The following ZC3H11A variants were observed in gnomAD, a reference collection of about 807,000 sequenced individuals.
ZC3H11A encodes zinc finger CCCH-type containing 11A, also known as zinc finger CCCH domain-containing protein 11A.
In ZC3H11A, 22 loss-of-function variants were observed where a neutral mutation model predicts 90.8. That is an observed-to-expected ratio of 0.24 (90% CI 0.17 to 0.35). ZC3H11A has a LOEUF of 0.35. ZC3H11A is among the 10% of genes least tolerant of loss of function. The probability of loss-of-function intolerance (pLI) is 1.00; values close to 1 mark genes in which losing one functional copy is unlikely to be tolerated. For synonymous variants in ZC3H11A, 294 were observed against 339.8 expected (o/e 0.87, Z 1.48); for missense variants, 701 against 964.9 (o/e 0.73, Z 3.62).
At chr1:203,807,282 A>T (rs1451216315) in intron 2 of ZC3H11A, among the ~76,000 whole-genome samples, 1 of 152,094 alleles carries the variant, frequency 6.6e-6, no homozygotes, top group Non-Finnish European at 1.5e-5. Flanking sequence ...AAACATTTTT[A>T]AAATTTTTAT....
intron 2 of ZC3H11A, among the ~76,000 whole-genome samples, chr1:203,815,946 T>C (rs889618415): frequency 2.0e-5 from 3 of 152,176 alleles, no homozygotes; most frequent in Non-Finnish European, 4.4e-5. Flanking sequence ...GGAGAAAATA[T>C]TTGTTGTTTT....
intron 2 of ZC3H11A, among the ~76,000 whole-genome samples, chr1:203,813,968 CTTGT>C (rs1176911592): frequency 8.1e-5 from 4 of 49,400 alleles, no homozygotes; most frequent in Non-Finnish European, 1.5e-4. Flanking sequence ...AGCATACATT[CTTGT>C]TTTTTTTTTT....
Position 203,798,873 on chromosome 1 carries a change from T to G in ZC3H11A, c.-1587-2702T>G, listed in dbSNP as rs1381063503. ...TGATTATAGGTTGCCATCAGAGACT[T>G]ACTTTTTCACTAAGGCTGTACCTCA... On this transcript the variant is annotated intron_variant, in intron 1 of 17. Coordinates refer to ENST00000367210, the MANE Select transcript of ZC3H11A (RefSeq NM_001376342.1). 10 of 1,536,020 alleles carry G rather than the reference T, an allele frequency of 6.5e-6. No individual in the cohort carries two copies. The African/African-American group carries it at 8.2e-5, about 13-fold the overall frequency.
intron 1 of ZC3H11A, chr1:203,800,317 G>T: frequency 1.1e-6 from 1 of 890,426 alleles, no homozygotes; most frequent in East Asian, 2.6e-5. Flanking sequence ...CAGATCATGA[G>T]CCTGGACTTT....
At chr1:203,837,859 T>G (rs1684868678) in intron 10 of ZC3H11A, 107 bp from the exon 11 acceptor site, 1 of 1,012,038 alleles carries the variant, frequency 9.9e-7, no homozygotes, top group South Asian at 1.6e-5. Flanking sequence ...GCCATATGTA[T>G]GCAGAACACT....
intron 12 of ZC3H11A, among the ~76,000 whole-genome samples, chr1:203,846,274 C>T (rs1687892309): frequency 6.6e-6 from 1 of 151,606 alleles, no homozygotes; most frequent in Non-Finnish European, 1.5e-5. Flanking sequence ...TTTTCTTAGC[C>T]CTTCAGTAAT....
At chr1:203,845,845 A>C (rs1687745896) in intron 12 of ZC3H11A, among the ~76,000 whole-genome samples, 1 of 152,088 alleles carries the variant, frequency 6.6e-6, no homozygotes, top group African/African-American at 2.4e-5. Context: ...CAGCCTGGGC[A>C]ACAGAGCAAA....
At chr1:203,848,090 A>G (rs1688363693) in intron 13 of ZC3H11A, among the ~76,000 whole-genome samples, 1 of 152,104 alleles carries the variant, frequency 6.6e-6, no homozygotes, top group Non-Finnish European at 1.5e-5. Flanking sequence ...TCCTCACCTC[A>G]AGTGTGATCT....
chr1:203,836,277 C>G (rs1684294390), intron 10 of ZC3H11A, among the ~76,000 whole-genome samples: 1 of 152,112 alleles, frequency 6.6e-6, no homozygotes, highest in African/African-American at 2.4e-5. Flanking sequence ...ATCAGCATAC[C>G]TGTAAACTTT....
At chr1:203,826,983 A>G (rs1056970356) in intron 4 of ZC3H11A, among the ~76,000 whole-genome samples, 3 of 152,154 alleles carry the variant, frequency 2.0e-5, no homozygotes, top group Non-Finnish European at 4.4e-5. Flanking sequence ...CACATCCCCA[A>G]AGCTGATCAG....
chr1:203,832,974 G>C (rs956170181), intron 9 of ZC3H11A, among the ~76,000 whole-genome samples: 1 of 152,118 alleles, frequency 6.6e-6, no homozygotes, highest in African/African-American at 2.4e-5. Context: ...TGGCTTACAT[G>C]TATAATCCCA....
At chr1:203,844,316 C>G (rs1376406058) in intron 12 of ZC3H11A, among the ~76,000 whole-genome samples, 1 of 152,048 alleles carries the variant, frequency 6.6e-6, no homozygotes, top group East Asian at 1.9e-4. Context: ...CATGTGCAAT[C>G]ACGCCTGGCT....
intron 12 of ZC3H11A, among the ~76,000 whole-genome samples, chr1:203,846,250 C>T (rs1558142840): frequency 6.7e-6 from 1 of 150,232 alleles, no homozygotes. Flanking sequence ...AGCACTATCT[C>T]TTTTCATTAT....
At chr1:203,798,494 C>T in intron 1 of ZC3H11A, 1 of 1,536,110 alleles carries the variant, frequency 6.5e-7, no homozygotes, top group Non-Finnish European at 8.7e-7. Context: ...CCAACAAAGA[C>T]AGTGGTGCTG....
intron 1 of ZC3H11A, chr1:203,798,533 TGA>T: frequency 6.5e-7 from 1 of 1,536,132 alleles, no homozygotes; most frequent in East Asian, 2.4e-5. Context: ...AAGCTGAGAC[TGA>T]GAGAAGTGAT....
chr1:203,842,200 C>T (rs544759288), intron 12 of ZC3H11A, among the ~76,000 whole-genome samples: 16 of 152,146 alleles, frequency 1.1e-4, no homozygotes, highest in Admixed American at 2.0e-4. Context: ...GACGGGGTGG[C>T]GGCCGGGCAG....
chr1:203,847,061 T>A, intron 12 of ZC3H11A, 123 bp from the exon 13 acceptor site: 1 of 1,089,384 alleles, frequency 9.2e-7, no homozygotes, highest in Non-Finnish European at 1.3e-6. Context: ...CTTTTGATCC[T>A]TTTAATTGCC....
At chr1:203,849,360 C>T (rs547446459) in intron 14 of ZC3H11A, among the ~76,000 whole-genome samples, 23 of 152,118 alleles carry the variant, frequency 1.5e-4, no homozygotes, top group Non-Finnish European at 2.9e-4. Context: ...CTCCATTATA[C>T]AAATACAGTC....
chr1:203,839,801 C>A (rs1017648188), intron 11 of ZC3H11A, among the ~76,000 whole-genome samples: 4 of 151,890 alleles, frequency 2.6e-5, no homozygotes, highest in Admixed American at 2.0e-4. Flanking sequence ...TTCTTTGTTT[C>A]TTTTGGTATT....
Sources: gnomAD v4.1 joint callset for allele counts (sites outside exome capture counted in the v4.1 genomes callset) on GRCh38, gnomAD v4.1.1 for gene constraint, MANE v1.5 for transcripts, NCBI Gene and HGNC (gene_info 2026-07-23, HGNC 2026-07-21) for gene names.